The following DLC1 variants were observed in gnomAD, a reference collection of about 807,000 sequenced individuals.
DLC1 encodes rho GTPase-activating protein 7.
A neutral mutation model predicts 140.3 loss-of-function variants in DLC1; 54 were observed. The observed-to-expected ratio is 0.38, with a 90% confidence interval of 0.31 to 0.48. DLC1 has a LOEUF of 0.48. Among genes scored for constraint, DLC1 ranks in the 20% least tolerant of loss-of-function variants. DLC1 has a pLI of 0.96. For missense variants in DLC1, 2,536 were observed against 1,907.0 expected, an observed-to-expected ratio of 1.33 and a Z score of -6.14; for synonymous variants, 986 against 728.1, an observed-to-expected ratio of 1.35 and a Z score of -5.70.
intron 13 of DLC1, 129 bp downstream of exon 13, chr8:13,092,483 T>C: frequency 6.2e-6 from 6 of 962,492 alleles, no homozygotes; most frequent in Non-Finnish European, 9.2e-6. Flanking sequence ...GGTGTGAGAA[T>C]GGACTAATAT....
intron 5 of DLC1, among the ~76,000 whole-genome samples, chr8:13,279,764 G>A (rs2117418880): frequency 6.6e-6 from 1 of 152,186 alleles, no homozygotes; most frequent in Non-Finnish European, 1.5e-5. Flanking sequence ...TTCTTTGTAG[G>A]CCACTAGAAA....
At chr8:13,600,066 A>G (rs928619785) in intron 1 of DLC1, among the ~76,000 whole-genome samples, 1 of 151,806 alleles carries the variant, frequency 6.6e-6, no homozygotes, top group African/African-American at 2.4e-5. Flanking sequence ...TATCTGAAGA[A>G]CCCTAAACTG....
At chr8:13,563,146 G>C (rs2117386152) in intron 1 of DLC1, among the ~76,000 whole-genome samples, 1 of 152,134 alleles carries the variant, frequency 6.6e-6, no homozygotes, top group East Asian at 1.9e-4. Flanking sequence ...TTGTACTTCG[G>C]AAGTGTTAGG....
At chr8:13,529,993 A>G (rs765516911) in intron 1 of DLC1, among the ~76,000 whole-genome samples, 1 of 152,216 alleles carries the variant, frequency 6.6e-6, no homozygotes, top group Non-Finnish European at 1.5e-5. Flanking sequence ...GGAAGGAACC[A>G]GAATTTTGAG....
At chr8:13,593,724 T>C (rs1805596389) in intron 1 of DLC1, among the ~76,000 whole-genome samples, 1 of 152,108 alleles carries the variant, frequency 6.6e-6, no homozygotes, top group Non-Finnish European at 1.5e-5. Context: ...GAAAACTTAT[T>C]TTGAAGAGGA....
At chr8:13,291,579 C>T (rs1462924851) in intron 5 of DLC1, among the ~76,000 whole-genome samples, 2 of 152,056 alleles carry the variant, frequency 1.3e-5, no homozygotes, top group Non-Finnish European at 2.9e-5. Flanking sequence ...TATTTATATG[C>T]ATTATGTCCA....
chr8:13,375,735 ATTT>A (rs369790217), intron 4 of DLC1, among the ~76,000 whole-genome samples: 60,497 of 150,586 alleles, frequency 0.4, 12,802 homozygotes, highest in East Asian at 0.74. Flanking sequence ...TTTTATTTTT[ATTT>A]TTTTGCTGTG....
intron 1 of DLC1, chr8:13,566,988 T>C (rs1433197459): frequency 1.9e-6 from 3 of 1,540,076 alleles, no homozygotes; most frequent in Non-Finnish European, 2.6e-6. Flanking sequence ...CCTGATGCAT[T>C]GTGATGGCCA....
At chr8:13,582,236 A>G (rs539545117) in intron 1 of DLC1, among the ~76,000 whole-genome samples, 2 of 152,324 alleles carry the variant, frequency 1.3e-5, no homozygotes, top group South Asian at 4.1e-4. Context: ...GAAAAAACAA[A>G]ACAAAATGAA....
At chr8:13,407,180 A>G (rs1837606333) in intron 2 of DLC1, among the ~76,000 whole-genome samples, 1 of 152,250 alleles carries the variant, frequency 6.6e-6, no homozygotes, top group South Asian at 2.1e-4. Flanking sequence ...ATCTGAAAGA[A>G]GTTCCTAATT....
chr8:13,149,961 T>C (rs1020248), intron 5 of DLC1, among the ~76,000 whole-genome samples: 79,779 of 152,096 alleles, frequency 0.52, 22,217 homozygotes, highest in Non-Finnish European at 0.63. Flanking sequence ...AGAAATCTTC[T>C]CAAGGAAATA....
intron 1 of DLC1, among the ~76,000 whole-genome samples, chr8:13,532,875 C>T (rs1803145684): frequency 6.6e-6 from 1 of 152,172 alleles, no homozygotes; most frequent in African/African-American, 2.4e-5. Context: ...TTGCAAAATT[C>T]TTCATGTTAA....
intron 5 of DLC1, among the ~76,000 whole-genome samples, chr8:13,233,900 GTC>G (rs1829164483): frequency 6.6e-6 from 1 of 152,100 alleles, no homozygotes; most frequent in Non-Finnish European, 1.5e-5. Flanking sequence ...TTTGTTTATC[GTC>G]TCTCTGTGTT....
chr8:13,191,933 A>G (rs910761409), intron 5 of DLC1, among the ~76,000 whole-genome samples: 6 of 147,304 alleles, frequency 4.1e-5, no homozygotes, highest in African/African-American at 5.0e-5. Context: ...CCTGATTATT[A>G]TTATTATTAT....
At chr8:13,339,746 G>A (rs897654827) in intron 4 of DLC1, 1 of 152,154 alleles carries the variant, frequency 6.6e-6, no homozygotes, top group Non-Finnish European at 1.5e-5. Flanking sequence ...AAGAGATTGT[G>A]ATTCTCTCCA....
intron 1 of DLC1, chr8:13,584,267 G>C (rs1328691728): frequency 6.5e-6 from 1 of 154,012 alleles, no homozygotes; most frequent in Admixed American, 6.5e-5. Flanking sequence ...GCACTGTAAA[G>C]ATCTGCCTGA....
Position 13,181,663 on chromosome 8 carries a change from A to C in DLC1, c.1349-66006T>G, listed in dbSNP as rs576436030. ...CATCCATGTCCCTGCAAAGGACATG[A>C]ACTCATCCTTTTTTATGGCTGCGTA... is the stretch of plus-strand genomic sequence containing the variant. On this transcript the variant is annotated intron_variant, in intron 5 of 17. Coordinates refer to ENST00000276297, the MANE Select transcript of DLC1 (RefSeq NM_182643.3). 1.4e-3 allele frequency among the ~76,000 whole-genome samples: 211 copies of C among 152,082 alleles called. 1 individual carries two copies. Among genetic ancestry groups the C allele is most frequent in the Middle Eastern group, 6.8e-3 (2 of 294 alleles).
chr8:13,160,337 G>T (rs954747256), intron 5 of DLC1: 4 of 152,218 alleles, frequency 2.6e-5, no homozygotes, highest in African/African-American at 9.7e-5. Context: ...CTAACTTGAA[G>T]CCATAAACAT....
chr8:13,535,291 C>G (rs1452168863), intron 1 of DLC1, among the ~76,000 whole-genome samples: 1 of 151,858 alleles, frequency 6.6e-6, no homozygotes, highest in Non-Finnish European at 1.5e-5. Flanking sequence ...GAAGGAAGGC[C>G]TCTATGAGAA....
Sources: allele counts gnomAD v4.1 joint callset (sites outside exome capture counted in the v4.1 genomes callset), GRCh38; gene constraint gnomAD v4.1.1; transcripts MANE v1.5; gene names NCBI Gene and HGNC (gene_info 2026-07-23, HGNC 2026-07-21).